The following NWD1 variants were observed in gnomAD, a reference collection of about 807,000 sequenced individuals.
NWD1 encodes the protein NACHT domain- and WD repeat-containing protein 1.
Under a neutral mutation model 135.1 loss-of-function variants are expected in NWD1, and 129 were observed. The ratio of observed to expected loss-of-function variants is 0.96; its 90% CI spans 0.83 to 1.11. The LOEUF is 1.11. Ranked by LOEUF, NWD1 falls within the 50% of genes least tolerant of loss-of-function variation. The probability of loss-of-function intolerance (pLI) is 0.00; values close to 1 mark genes in which losing one functional copy is unlikely to be tolerated. For missense variants in NWD1, 1,740 were observed against 1,851.3 expected (o/e 0.94, Z 1.10); for synonymous variants, 773 against 786.0 (o/e 0.98, Z 0.28).
At chr19:16,806,965 C>T (rs1034830661) in intron 17 of NWD1, among the ~76,000 whole-genome samples, 2 of 151,612 alleles carry the variant, frequency 1.3e-5, no homozygotes, top group Non-Finnish European at 2.9e-5. Context: ...TACAGTGAGC[C>T]GAGATTGTGC....
chr19:16,787,362 T>C (rs1970073474), intron 12 of NWD1, among the ~76,000 whole-genome samples: 1 of 152,180 alleles, frequency 6.6e-6, no homozygotes, highest in Non-Finnish European at 1.5e-5. Flanking sequence ...TGCCCCTTTT[T>C]TACGTGGTTA....
intron 7 of NWD1, among the ~76,000 whole-genome samples, chr19:16,759,992 C>CA (rs906131737): frequency 3.3e-5 from 5 of 151,074 alleles, no homozygotes; most frequent in African/African-American, 9.7e-5. Context: ...GACTCCATTT[C>CA]AAAAAAAAGA....
At chr19:16,784,370 A>C (rs898205770) in intron 12 of NWD1, among the ~76,000 whole-genome samples, 13 of 152,046 alleles carry the variant, frequency 8.6e-5, no homozygotes, top group Non-Finnish European at 1.8e-4. Context: ...GTATCTCTAA[A>C]AATAATAATA....
At chr19:16,775,858 G>C (rs951198661) in intron 11 of NWD1, among the ~76,000 whole-genome samples, 7 of 152,050 alleles carry the variant, frequency 4.6e-5, no homozygotes, top group Non-Finnish European at 7.4e-5. Context: ...GGTAGAGACA[G>C]GGTTTCACCA....
chr19:16,725,368 C>T (rs1371670153), intron 2 of NWD1, among the ~76,000 whole-genome samples: 2 of 150,150 alleles, frequency 1.3e-5, no homozygotes, highest in Non-Finnish European at 3.0e-5. Flanking sequence ...GTCCCAGCTA[C>T]TTGGGAGGCT....
In NWD1 at chr19:16,753,857, C is replaced by CCATCCATCCATT. The variant is rs1968675676; in HGVS notation, c.1769+3451_1769+3462dup. 6.8e-5 allele frequency among the ~76,000 whole-genome samples: 10 copies of CCATCCATCCATT among 147,886 alleles called. No homozygotes were observed. In the South Asian group the frequency reaches 2.3e-3, roughly 34 times the overall value. On this transcript the variant is annotated intron_variant, in intron 6 of 18. Transcript: ENST00000524140. The stretch of plus-strand genomic sequence containing the variant: ...TCCATCCATCCATCCATCCATCCAT[C>CCATCCATCCATT]CATCCATCCATTCATCAATTCGACC...
intron 18 of NWD1, among the ~76,000 whole-genome samples, chr19:16,810,453 A>AG (rs1970891929): frequency 6.7e-6 from 1 of 150,256 alleles, no homozygotes; most frequent in South Asian, 2.1e-4. Context: ...AAAAAAAAAA[A>AG]AAAAGAAAGA....
chr19:16,791,488 T>C lies in NWD1; in HGVS notation c.3079T>C (p.Trp1027Arg). ...GTCCAGGGATGGTGTGGTCAGTCTG[T>C]GGAGCTCAGCTACGGGAAAACTTCA... ...TVSRDGVVSL[W>R]SSATGKLQGK... is the part of the protein sequence containing the mutation. The change falls in exon 14 of 19, where the codon TGG (tryptophan) becomes CGG (arginine). Residue 1027 changes from tryptophan (W) to arginine (R), a missense_variant. Transcript: ENST00000524140. 1 of 1,614,134 alleles carries C rather than the reference T, an allele frequency of 6.2e-7. No homozygotes were observed. Among genetic ancestry groups the C allele is most frequent in the Non-Finnish European group, 8.5e-7 (1 of 1,180,018 alleles).
rs1971077470 is a variant in NWD1, at chr19:16,816,735, G to A, written c.*1696G>A. 6.6e-6 allele frequency: 1 copy of A among 152,280 alleles called. No homozygotes were observed. Among genetic ancestry groups the A allele is most frequent in the Non-Finnish European group, 1.5e-5 (1 of 68,030 alleles). 9.4% of individuals were successfully genotyped at this position (152,280 alleles called of 1,614,324 possible). The stretch of plus-strand genomic sequence containing the variant: ...TCTCCCCTCCGTGGAATTCCTGATA[G>A]AGTCTCAATAAAAGCAACCTTAGAA... On this transcript the variant is annotated 3_prime_UTR_variant, in exon 19 of 19. Coordinates refer to ENST00000524140, the MANE Select transcript of NWD1 (RefSeq NM_001007525.5).
At chr19:16,796,992 A>G (rs550667329) in intron 15 of NWD1, among the ~76,000 whole-genome samples, 1 of 152,220 alleles carries the variant, frequency 6.6e-6, no homozygotes, top group South Asian at 2.1e-4. Flanking sequence ...CAGCTTGGCC[A>G]GCATGGTGAA....
intron 18 of NWD1, among the ~76,000 whole-genome samples, 163 bp from the exon 19 acceptor site, chr19:16,814,865 G>A (rs1216117862): frequency 6.6e-6 from 1 of 152,054 alleles, no homozygotes; most frequent in African/African-American, 2.4e-5. Context: ...CATTCCCATT[G>A]TGCAGATAAA....
intron 6 of NWD1, among the ~76,000 whole-genome samples, chr19:16,752,096 A>G (rs893285641): frequency 6.6e-6 from 1 of 152,178 alleles, no homozygotes; most frequent in Non-Finnish European, 1.5e-5. Context: ...GTCCTCTGCC[A>G]ATTGGCAGAG....
At chr19:16,770,327 G>T (rs1396768307) in intron 10 of NWD1, among the ~76,000 whole-genome samples, 1 of 152,082 alleles carries the variant, frequency 6.6e-6, no homozygotes. Context: ...TTCCCCCTTT[G>T]CTCAGCTCTC....
intron 3 of NWD1, among the ~76,000 whole-genome samples, chr19:16,733,263 G>A (rs1363728978): frequency 6.6e-6 from 1 of 151,764 alleles, no homozygotes; most frequent in African/African-American, 2.4e-5. Context: ...GCTCATGCCT[G>A]TAATCCCAGC....
At chr19:16,795,034 A>G (rs1260873381) in intron 15 of NWD1, among the ~76,000 whole-genome samples, 1 of 152,108 alleles carries the variant, frequency 6.6e-6, no homozygotes, top group Non-Finnish European at 1.5e-5. Context: ...CGCCCACCTT[A>G]GCCTCCCAAA....
intron 6 of NWD1, among the ~76,000 whole-genome samples, chr19:16,752,484 C>G (rs1161312431): frequency 6.6e-6 from 1 of 151,806 alleles, no homozygotes; most frequent in Non-Finnish European, 1.5e-5. Context: ...AGTGAGGCCC[C>G]TGTCTATACA....
intron 9 of NWD1, among the ~76,000 whole-genome samples, chr19:16,764,385 A>G (rs532267893): frequency 0.091 from 13,615 of 149,434 alleles, 1,078 homozygotes; most frequent in African/African-American, 0.21. Context: ...CCATCCATCC[A>G]TCCATCCATC....
intron 10 of NWD1, among the ~76,000 whole-genome samples, chr19:16,770,721 C>T (rs1263853910): frequency 6.6e-6 from 1 of 152,132 alleles, no homozygotes; most frequent in Non-Finnish European, 1.5e-5. Context: ...TCACACAGAA[C>T]CTCCACCCGT....
chr19:16,727,464 G>A lies in NWD1; in HGVS notation c.-7+3001G>A, dbSNP rs555108407. ...CCGTTCCTGATGGCCCTGCCCGGCT[G>A]GCCTACCAGGAAGGCTGCCTGGCTG... On this transcript the variant is annotated intron_variant, in intron 2 of 18. Coordinates refer to ENST00000524140, the MANE Select transcript of NWD1 (RefSeq NM_001007525.5). 2.6e-5 allele frequency: 4 copies of A among 152,772 alleles called. No individual in the cohort carries two copies. In the South Asian group the frequency reaches 8.3e-4, roughly 32 times the overall value. 9.5% of individuals were successfully genotyped at this position (152,772 alleles called of 1,614,324 possible).
Sources: allele counts gnomAD v4.1 joint callset (sites outside exome capture counted in the v4.1 genomes callset), GRCh38; gene constraint gnomAD v4.1.1; transcripts MANE v1.5; gene names NCBI Gene and HGNC (gene_info 2026-07-23, HGNC 2026-07-21).